METTL15: variants seen among roughly 807,000 people sequenced by gnomAD.
METTL15 encodes 12S rRNA N(4)-cytidine methyltransferase METTL15.
A neutral mutation model predicts 38.3 loss-of-function variants in METTL15; 34 were observed. That is an observed-to-expected ratio of 0.89 (90% CI 0.68 to 1.18). The LOEUF is 1.18. METTL15 is among the 50% of genes most tolerant of loss of function. The pLI is 0.00. For synonymous variants in METTL15, 162 were observed against 170.9 expected (o/e 0.95, Z 0.41); for missense variants, 438 against 498.4 (o/e 0.88, Z 1.15).
At chr11:28,276,558 A>G (rs1322923699) in intron 4 of METTL15, among the ~76,000 whole-genome samples, 1 of 152,158 alleles carries the variant, frequency 6.6e-6, no homozygotes, top group Non-Finnish European at 1.5e-5. Flanking sequence ...TCAAACACCA[A>G]TGTCATTCTG....
At chr11:28,345,750 A>G (rs1276523508) in intron 3 of METTL15, among the ~76,000 whole-genome samples, 2 of 152,134 alleles carry the variant, frequency 1.3e-5, no homozygotes, top group East Asian at 1.9e-4. Flanking sequence ...CTTTGTACCT[A>G]CATCCAAAAT....
downstream of METTL15, among the ~76,000 whole-genome samples, chr11:28,337,892 T>C (rs1004908810): frequency 3.3e-5 from 5 of 152,092 alleles, no homozygotes; most frequent in Non-Finnish European, 5.9e-5. Flanking sequence ...TAATGACCCA[T>C]GTCTCAATGC....
At chr11:28,319,348 T>C (rs372480278) in intron 6 of METTL15, among the ~76,000 whole-genome samples, 4 of 152,182 alleles carry the variant, frequency 2.6e-5, no homozygotes, top group African/African-American at 9.6e-5. Context: ...GGTGAACATA[T>C]CATCTTAAAA....
chr11:28,431,799 A>G (rs1211097062), intron 6 of METTL15, among the ~76,000 whole-genome samples: 1 of 22,840 alleles, frequency 4.4e-5, no homozygotes, highest in Admixed American at 7.5e-4. Flanking sequence ...TTAAAAAAAA[A>G]AAAAAAAAGA....
In METTL15 at chr11:28,218,705, T is replaced by C. The variant is rs559429926; in HGVS notation, c.407+7507T>C. On this transcript the variant is annotated intron_variant, in intron 4 of 6. Coordinates refer to ENST00000407364, the MANE Select transcript of METTL15 (RefSeq NM_001113528.2). The stretch of plus-strand genomic sequence containing the variant: ...ATATTGGCTGTGGGGTTGTCATAAA[T>C]AGCTCTTATTATTTTGAGATACGTC... Among the ~76,000 whole-genome samples the C allele has an allele frequency of 1.3e-4, 20 of 152,302 alleles. No individual in the cohort carries two copies. The East Asian group carries it at 3.5e-3, about 26-fold the overall frequency.
intron 1 of METTL15, among the ~76,000 whole-genome samples, chr11:28,109,217 A>T (rs1472266571): frequency 6.6e-6 from 1 of 152,190 alleles, no homozygotes; most frequent in Non-Finnish European, 1.5e-5. Flanking sequence ...ACTGTATGTG[A>T]TGCATGTTAT....
chr11:28,529,773 A>G (rs1851833896), downstream of METTL15, among the ~76,000 whole-genome samples: 3 of 152,140 alleles, frequency 2.0e-5, no homozygotes, highest in African/African-American at 7.2e-5. Context: ...ACTTGGAACA[A>G]TATGAGTGCC....
chr11:28,502,854 A>G (rs1324300887), intron 6 of METTL15, among the ~76,000 whole-genome samples: 1 of 152,182 alleles, frequency 6.6e-6, no homozygotes, highest in Non-Finnish European at 1.5e-5. Flanking sequence ...CTCTGGAAAT[A>G]AAGGAAAGTA....
chr11:28,400,002 C>A (rs1410348702), intron 5 of METTL15, among the ~76,000 whole-genome samples: 2 of 151,842 alleles, frequency 1.3e-5, no homozygotes, highest in Non-Finnish European at 2.9e-5. Context: ...GATAATAAGA[C>A]TTTAAAGAAA....
chr11:28,413,600 C>T (rs1850747973), intron 5 of METTL15, among the ~76,000 whole-genome samples: 1 of 152,064 alleles, frequency 6.6e-6, no homozygotes, highest in Non-Finnish European at 1.5e-5. Flanking sequence ...TTTCTTCTGA[C>T]TCTAGAAATG....
intron 4 of METTL15, among the ~76,000 whole-genome samples, chr11:28,232,218 A>G (rs1310391355): frequency 6.6e-6 from 1 of 151,902 alleles, no homozygotes; most frequent in East Asian, 1.9e-4. Context: ...ATAAACCCTG[A>G]TTAGATATAC....
chr11:28,525,901 G>T (rs969299215), intron 6 of METTL15, among the ~76,000 whole-genome samples: 1 of 152,234 alleles, frequency 6.6e-6, no homozygotes, highest in African/African-American at 2.4e-5. Flanking sequence ...ATGGAGAGGT[G>T]GGGAGTCTCA....
intron 6 of METTL15, among the ~76,000 whole-genome samples, chr11:28,442,571 G>A (rs1338929064): frequency 6.6e-6 from 1 of 152,176 alleles, no homozygotes; most frequent in Non-Finnish European, 1.5e-5. Context: ...TTCCAATGCT[G>A]ATTTCAGTGT....
chr11:28,239,221 C>G (rs1464570186), intron 4 of METTL15, among the ~76,000 whole-genome samples: 1 of 152,212 alleles, frequency 6.6e-6, no homozygotes, highest in Non-Finnish European at 1.5e-5. Context: ...TCAGATCTAA[C>G]ATGTTTAAAC....
chr11:28,196,477 G>T (rs995012909), intron 3 of METTL15, among the ~76,000 whole-genome samples: 2 of 151,868 alleles, frequency 1.3e-5, no homozygotes, highest in Non-Finnish European at 2.9e-5. Flanking sequence ...TTGTAAAAGG[G>T]ATTGAGTTCT....
At chr11:28,337,775 A>G (rs1354568887), downstream of METTL15, among the ~76,000 whole-genome samples, 12 of 152,188 alleles carry the variant, frequency 7.9e-5, no homozygotes, top group Admixed American at 7.9e-4. Flanking sequence ...TCAATACAGT[A>G]ACATGCCATA....
intron 5 of METTL15, among the ~76,000 whole-genome samples, chr11:28,368,172 AAAAC>A (rs1406616567): frequency 1.3e-5 from 2 of 151,304 alleles, no homozygotes; most frequent in African/African-American, 4.8e-5. Flanking sequence ...AACAAAGAAA[AAAAC>A]AGAAAAAAAA....
chr11:28,378,209 G>C (rs1850340965), intron 5 of METTL15, among the ~76,000 whole-genome samples: 1 of 152,210 alleles, frequency 6.6e-6, no homozygotes, highest in Non-Finnish European at 1.5e-5. Flanking sequence ...TGGCTCCTTT[G>C]TTTACCTAAG....
At chr11:28,241,192 G>A (rs745747366) in intron 4 of METTL15, among the ~76,000 whole-genome samples, 1 of 152,122 alleles carries the variant, frequency 6.6e-6, no homozygotes, top group Non-Finnish European at 1.5e-5. Flanking sequence ...ATAATAAGCA[G>A]AATAGGTAAG....
Sources: gnomAD v4.1 joint callset for allele counts (sites outside exome capture counted in the v4.1 genomes callset) on GRCh38, gnomAD v4.1.1 for gene constraint, MANE v1.5 for transcripts, NCBI Gene and HGNC (gene_info 2026-07-23, HGNC 2026-07-21) for gene names.